The following GALNT1 variants were observed in gnomAD, a reference collection of about 807,000 sequenced individuals.
The protein encoded by GALNT1 is GalNAc transferase 1.
A neutral mutation model predicts 65.7 loss-of-function variants in GALNT1; 17 were observed. The ratio of observed to expected loss-of-function variants is 0.26; its 90% CI spans 0.18 to 0.39. The LOEUF (loss-of-function observed/expected upper bound fraction) is 0.39, where lower values mean the gene tolerates loss of function less well. Among genes scored for constraint, GALNT1 ranks in the 10% least tolerant of loss-of-function variants. The probability of loss-of-function intolerance (pLI) is 1.00; values close to 1 mark genes in which losing one functional copy is unlikely to be tolerated. For synonymous variants in GALNT1, 210 were observed against 219.7 expected, an observed-to-expected ratio of 0.96 and a Z score of 0.39; for missense variants, 460 against 672.8, an observed-to-expected ratio of 0.68 and a Z score of 3.50.
chr18:35,691,574 C>T (rs1013785116), intron 8 of GALNT1, among the ~76,000 whole-genome samples: 9 of 152,048 alleles, frequency 5.9e-5, no homozygotes, highest in African/African-American at 2.2e-4. Flanking sequence ...ATAACAAAAC[C>T]ACTGTTTTTG....
chr18:35,587,087 G>A (rs923604626), intron 1 of GALNT1, among the ~76,000 whole-genome samples: 1 of 152,064 alleles, frequency 6.6e-6, no homozygotes, highest in Non-Finnish European at 1.5e-5. Flanking sequence ...TGTTACATTT[G>A]TAAGTAAATA....
intron 1 of GALNT1, among the ~76,000 whole-genome samples, chr18:35,629,090 A>G (rs1403746417): frequency 2.0e-5 from 3 of 152,182 alleles, no homozygotes; most frequent in East Asian, 3.9e-4. Flanking sequence ...TCTACATCTG[A>G]TTGGTGTACC....
chr18:35,588,008 C>T (rs2046397906), intron 1 of GALNT1, among the ~76,000 whole-genome samples: 1 of 152,154 alleles, frequency 6.6e-6, no homozygotes. Flanking sequence ...TTGGAGAGCA[C>T]ACTCTGATTT....
intron 3 of GALNT1, among the ~76,000 whole-genome samples, chr18:35,670,834 A>G (rs1230002580): frequency 2.0e-5 from 3 of 152,240 alleles, no homozygotes; most frequent in Admixed American, 1.3e-4. Context: ...GTTTAGGACA[A>G]CGGTGGCACT....
At chr18:35,638,566 T>A (rs1421984901) in intron 1 of GALNT1, among the ~76,000 whole-genome samples, 2 of 152,098 alleles carry the variant, frequency 1.3e-5, no homozygotes, top group Non-Finnish European at 2.9e-5. Flanking sequence ...TTACATCTCC[T>A]TGTTATCTAA....
At chr18:35,598,408 G>A (rs1438902899) in intron 1 of GALNT1, among the ~76,000 whole-genome samples, 1 of 151,924 alleles carries the variant, frequency 6.6e-6, no homozygotes, top group Non-Finnish European at 1.5e-5. Context: ...CCCAGCCTCT[G>A]GTAACCATCA....
intron 3 of GALNT1, among the ~76,000 whole-genome samples, chr18:35,676,315 C>A (rs1039680324): frequency 6.6e-6 from 1 of 152,120 alleles, no homozygotes. Context: ...AGAGGGGCTG[C>A]AGTGGAATAT....
rs1362204975 is a variant in GALNT1, at chr18:35,683,510, A to G, written c.601A>G (p.Lys201Glu). 2 of 1,613,904 alleles carry G rather than the reference A, an allele frequency of 1.2e-6. No homozygotes were observed. Among genetic ancestry groups the G allele is most frequent in the Non-Finnish European group, 1.7e-6 (2 of 1,179,878 alleles). ...TAGATTAAAAGGAGCTGCTGTGTCT[A>G]AAGGCCAAGTGATCACCTTCCTGGA... ...RARLKGAAVS[K>E]GQVITFLDAH... Residue 201 changes from lysine (K) to glutamate (E), a missense_variant, in exon 5 of 12, where the codon AAA becomes GAA. By Grantham distance (56) the Lys-to-Glu change is moderately conservative (BLOSUM62 1). Coordinates refer to ENST00000269195, the MANE Select transcript of GALNT1 (RefSeq NM_020474.4).
chr18:35,706,358 C>T (rs1429702829), intron 11 of GALNT1, among the ~76,000 whole-genome samples: 1 of 152,036 alleles, frequency 6.6e-6, no homozygotes, highest in African/African-American at 2.4e-5. Context: ...ATACACCATA[C>T]AGGCATGGTG....
chr18:35,584,445 A>G (rs2046357475), intron 1 of GALNT1, among the ~76,000 whole-genome samples: 2 of 152,210 alleles, frequency 1.3e-5, no homozygotes, highest in Non-Finnish European at 2.9e-5. Flanking sequence ...AGGAGAGATC[A>G]GTTAAAAGAG....
intron 7 of GALNT1, 145 bp downstream of exon 7, chr18:35,689,435 A>G: frequency 1.7e-6 from 1 of 596,210 alleles, no homozygotes; most frequent in Non-Finnish European, 3.0e-6. Context: ...CATAAAAAGG[A>G]CTGATAGTAA....
Position 35,605,325 on chromosome 18 carries a change from C to T in GALNT1, c.-104+23463C>T, listed in dbSNP as rs539621189. 6.3e-4 allele frequency among the ~76,000 whole-genome samples: 96 copies of T among 152,026 alleles called. 1 individual carries two copies. In the South Asian group the frequency reaches 0.012, roughly 19 times the overall value. On this transcript the variant is annotated intron_variant, in intron 1 of 11. Transcript: ENST00000269195. ...CCAGCCTGGCCAACATGGTGAAACC[C>T]CGTCTCTACTAAAAATACAAAAATT...
At chr18:35,691,299 C>T in intron 8 of GALNT1, 107 bp downstream of exon 8, 1 of 895,028 alleles carries the variant, frequency 1.1e-6, no homozygotes. Context: ...AGGTGAACAC[C>T]TGCCTCATAA....
chr18:35,643,817 A>C (rs2047196660), intron 1 of GALNT1, among the ~76,000 whole-genome samples: 1 of 152,084 alleles, frequency 6.6e-6, no homozygotes. Context: ...AAGAAAAAAA[A>C]ACACATATCT....
chr18:35,668,876 A>G (rs2047587111), intron 3 of GALNT1, among the ~76,000 whole-genome samples: 1 of 152,218 alleles, frequency 6.6e-6, no homozygotes, highest in Admixed American at 6.5e-5. Context: ...GAAAAATATA[A>G]CTTAGTAAAA....
chr18:35,594,601 G>C (rs938943250), intron 1 of GALNT1, among the ~76,000 whole-genome samples: 4 of 152,204 alleles, frequency 2.6e-5, no homozygotes, highest in African/African-American at 9.6e-5. Flanking sequence ...GAGATTGTAT[G>C]TAAGGCTGAA....
At chr18:35,693,565 T>C (rs2048004077) in intron 9 of GALNT1, among the ~76,000 whole-genome samples, 1 of 152,148 alleles carries the variant, frequency 6.6e-6, no homozygotes, top group Non-Finnish European at 1.5e-5. Context: ...TGGTGTATTG[T>C]TGAAGAGAGT....
intron 1 of GALNT1, among the ~76,000 whole-genome samples, chr18:35,638,074 A>G (rs554913761): frequency 6.6e-6 from 1 of 152,326 alleles, no homozygotes; most frequent in Non-Finnish European, 1.5e-5. Flanking sequence ...GCACCTGGTT[A>G]CCCAAGAGCT....
chr18:35,681,621 A>G (rs1386048661), intron 4 of GALNT1, among the ~76,000 whole-genome samples: 1 of 152,118 alleles, frequency 6.6e-6, no homozygotes, highest in Non-Finnish European at 1.5e-5. Flanking sequence ...TGGGAGACGC[A>G]TTGTTTATGA....
Sources: gnomAD v4.1 joint callset for allele counts (sites outside exome capture counted in the v4.1 genomes callset) on GRCh38, gnomAD v4.1.1 for gene constraint, MANE v1.5 for transcripts, NCBI Gene and HGNC (gene_info 2026-07-23, HGNC 2026-07-21) for gene names.